The following EVC2 variants were observed in gnomAD, a reference collection of about 807,000 sequenced individuals.
EVC2 encodes the protein limbin.
A neutral mutation model predicts 149.3 loss-of-function variants in EVC2; 148 were observed. That is an observed-to-expected ratio of 0.99 (90% CI 0.87 to 1.14). The LOEUF is 1.14. Ranked by LOEUF, EVC2 falls within the 50% of genes most tolerant of loss-of-function variation. The probability of loss-of-function intolerance (pLI) is 0.00; values close to 1 mark genes in which losing one functional copy is unlikely to be tolerated. For synonymous variants in EVC2, 776 were observed against 649.9 expected (o/e 1.19, Z -2.95); for missense variants, 1,854 against 1,627.3 (o/e 1.14, Z -2.40).
downstream of EVC2, among the ~76,000 whole-genome samples, chr4:5,539,383 C>CAA (rs1721473291): frequency 6.6e-6 from 1 of 152,114 alleles, no homozygotes; most frequent in Non-Finnish European, 1.5e-5. Flanking sequence ...AGATTCGACA[C>CAA]AATCTGAATC....
At chr4:5,556,255 C>A (rs1408502170) in intron 21 of EVC2, among the ~76,000 whole-genome samples, 1 of 148,308 alleles carries the variant, frequency 6.7e-6, no homozygotes, top group African/African-American at 2.5e-5. Flanking sequence ...TCTCAGATCA[C>A]CATAGAATTA....
intron 7 of EVC2, 92 bp from the exon 8 acceptor site, chr4:5,665,741 C>CA: frequency 6.4e-7 from 1 of 1,551,860 alleles, no homozygotes; most frequent in South Asian, 1.2e-5. Flanking sequence ...GCAGACCAAG[C>CA]AGGGACCAGG....
intron 16 of EVC2, among the ~76,000 whole-genome samples, chr4:5,594,351 G>A (rs1261011525): frequency 5.3e-5 from 8 of 152,162 alleles, no homozygotes; most frequent in Non-Finnish European, 1.2e-4. Flanking sequence ...ACCTCACACG[G>A]CCGGGTACTC....
chr4:5,599,229 C>G (rs1013084318), intron 16 of EVC2, among the ~76,000 whole-genome samples: 10 of 150,446 alleles, frequency 6.6e-5, no homozygotes, highest in Admixed American at 4.0e-4. Flanking sequence ...GGGTATATAC[C>G]CAAAGGTCTA....
At chr4:5,702,338 G>C (rs1010621197) in intron 1 of EVC2, among the ~76,000 whole-genome samples, 3 of 152,082 alleles carry the variant, frequency 2.0e-5, no homozygotes, top group African/African-American at 7.2e-5. Flanking sequence ...CCTTTTTCCT[G>C]CTCCAAGAAT....
rs73198137 is a variant in EVC2 at position 5,619,349 on chromosome 4, C to A, written c.2502-667G>T. ...ATTGGAGCACAGTGGGCCCTTAATG[C>A]AATATAACTGGTGTCCTTATAAGAA... On this transcript the variant is annotated intron_variant, in intron 14 of 21. Coordinates refer to ENST00000344408, the MANE Select transcript of EVC2 (RefSeq NM_147127.5). Among the ~76,000 whole-genome samples, 23 of 152,244 alleles carry A rather than the reference C, an allele frequency of 1.5e-4. No individual in the cohort carries two copies. The East Asian group carries it at 3.1e-3, about 20-fold the overall frequency.
At chr4:5,541,493 T>G (rs1721513087), downstream of EVC2, among the ~76,000 whole-genome samples, 1 of 152,174 alleles carries the variant, frequency 6.6e-6, no homozygotes, top group South Asian at 2.1e-4. Context: ...ATAAGATGAT[T>G]CAGAAAGGTT....
At chr4:5,680,359 C>G (rs2151723018) in intron 7 of EVC2, among the ~76,000 whole-genome samples, 1 of 152,234 alleles carries the variant, frequency 6.6e-6, no homozygotes, top group East Asian at 1.9e-4. Context: ...GGTTTCACAC[C>G]AGAATCACCA....
intron 8 of EVC2, among the ~76,000 whole-genome samples, chr4:5,665,300 G>A (rs1036111853): frequency 6.6e-6 from 1 of 152,078 alleles, no homozygotes; most frequent in Non-Finnish European, 1.5e-5. Context: ...AGCCTGCACA[G>A]CACAGCAAGA....
intron 16 of EVC2, among the ~76,000 whole-genome samples, chr4:5,593,785 G>A (rs1464695207): frequency 1.3e-5 from 2 of 152,182 alleles, no homozygotes; most frequent in Non-Finnish European, 2.9e-5. Context: ...CACTCGGGAA[G>A]CACAAGGGGT....
intron 7 of EVC2, among the ~76,000 whole-genome samples, chr4:5,671,696 G>C (rs1304423408): frequency 6.6e-6 from 1 of 152,196 alleles, no homozygotes; most frequent in South Asian, 2.1e-4. Context: ...ACTTTTTGTA[G>C]AGACGGGGTT....
At chr4:5,701,545 C>A (rs1721825427) in intron 1 of EVC2, among the ~76,000 whole-genome samples, 1 of 152,090 alleles carries the variant, frequency 6.6e-6, no homozygotes, top group Admixed American at 6.5e-5. Context: ...CTTTTCCTCT[C>A]CTAGTCAAAA....
chr4:5,639,631 T>C (rs1717167554), intron 10 of EVC2, among the ~76,000 whole-genome samples: 1 of 152,216 alleles, frequency 6.6e-6, no homozygotes, highest in Non-Finnish European at 1.5e-5. Context: ...TGGAATGTAC[T>C]AGACTGTGAG....
At chr4:5,649,847 T>C (rs1331444174) in intron 9 of EVC2, among the ~76,000 whole-genome samples, 1 of 151,392 alleles carries the variant, frequency 6.6e-6, no homozygotes, top group Non-Finnish European at 1.5e-5. Context: ...CCATCAATCA[T>C]GTTTATAAAC....
At chr4:5,692,027 T>C (rs926621432) in intron 3 of EVC2, among the ~76,000 whole-genome samples, 8 of 152,306 alleles carry the variant, frequency 5.3e-5, no homozygotes, top group Admixed American at 5.2e-4. Context: ...GGACCCTTAC[T>C]GCATCAAGGA....
chr4:5,588,808 T>C (rs1366763211), intron 16 of EVC2, among the ~76,000 whole-genome samples: 1 of 152,226 alleles, frequency 6.6e-6, no homozygotes. Context: ...TAAACAAAAT[T>C]ATAATGACTG....
chr4:5,573,192 T>C (rs1484447347), intron 19 of EVC2, among the ~76,000 whole-genome samples: 1 of 152,134 alleles, frequency 6.6e-6, no homozygotes, highest in Non-Finnish European at 1.5e-5. Flanking sequence ...AAATGTCCCA[T>C]CCTGGGACCT....
intron 14 of EVC2, among the ~76,000 whole-genome samples, chr4:5,620,589 G>A (rs555933955): frequency 7.2e-5 from 11 of 152,218 alleles, no homozygotes; most frequent in African/African-American, 2.2e-4. Flanking sequence ...ATAATGCCTC[G>A]GAAATAAAGG....
In EVC2 at chr4:5,686,095, TACAC is replaced by T. The variant is rs67802779; in HGVS notation, c.707-620_707-617del. Among the ~76,000 whole-genome samples, 76 of 13,264 alleles carry T rather than the reference TACAC, an allele frequency of 5.7e-3. 2 individuals are homozygous for T. The highest frequency in any genetic ancestry group is 0.051 in the South Asian group (39 of 772). The allele number at this position is 13,264 out of a possible 152,430, so 8.7% of individuals were successfully genotyped here. ...AACATATATACACACACATATATAT[TACAC>T]ACACACACACACACACACACACACA... is the stretch of plus-strand genomic sequence containing the variant. On this transcript the variant is annotated intron_variant, in intron 5 of 21. Transcript: ENST00000344408. The surrounding 1 kb of genome is among the most constrained non-coding windows in gnomAD (Gnocchi z 5.4).
Sources: allele counts gnomAD v4.1 joint callset (sites outside exome capture counted in the v4.1 genomes callset), GRCh38; gene constraint gnomAD v4.1.1; non-coding constraint Gnocchi (gnomAD v3.1); transcripts MANE v1.5; gene names NCBI Gene and HGNC (gene_info 2026-07-23, HGNC 2026-07-21).